The following CKMT2 variants were observed in gnomAD, a reference collection of about 807,000 sequenced individuals.
CKMT2 encodes creatine kinase, mitochondrial 2, also known as creatine kinase S-type, mitochondrial.
A neutral mutation model predicts 48.9 loss-of-function variants in CKMT2; 43 were observed. The ratio of observed to expected loss-of-function variants is 0.88; its 90% CI spans 0.69 to 1.13. CKMT2 has a LOEUF of 1.13. Ranked by LOEUF, CKMT2 falls within the 50% of genes most tolerant of loss-of-function variation. CKMT2 has a pLI of 0.00. For missense variants in CKMT2, 472 were observed against 555.4 expected (o/e 0.85, Z 1.51); for synonymous variants, 206 against 213.0 (o/e 0.97, Z 0.29).
intron 1 of CKMT2, among the ~76,000 whole-genome samples, chr5:81,235,164 GAA>G (rs1756210136): frequency 6.6e-6 from 1 of 152,206 alleles, no homozygotes; most frequent in Non-Finnish European, 1.5e-5. Context: ...GGAGGCCTAG[GAA>G]AGGCCTCTGT....
chr5:81,233,829 G>C (rs1756175633), intron 1 of CKMT2, among the ~76,000 whole-genome samples: 2 of 152,050 alleles, frequency 1.3e-5, no homozygotes, highest in African/African-American at 4.8e-5. Context: ...CAGTGACTTG[G>C]GATGAACTAA....
intron 6 of CKMT2, 28 bp from the exon 7 acceptor site, chr5:81,257,705 C>T (rs778063285): frequency 2.5e-6 from 4 of 1,597,238 alleles, no homozygotes; most frequent in East Asian, 2.2e-5. Flanking sequence ...GCAATTAACA[C>T]TCAGTACCAT....
intron 7 of CKMT2, 50 bp downstream of exon 7, chr5:81,257,906 T>C (rs1412237433): frequency 1.3e-6 from 2 of 1,550,896 alleles, no homozygotes; most frequent in Non-Finnish European, 8.8e-7. Flanking sequence ...AAAATTACCG[T>C]ATTGTTTGTT....
At chr5:81,256,279 T>TGCTACTTCCTACAACCATCC (rs528392110) in intron 5 of CKMT2, among the ~76,000 whole-genome samples, 26,022 of 152,022 alleles carry the variant, frequency 0.17, 2,549 homozygotes, top group Admixed American at 0.27. Context: ...ATCTATACTC[T>TGCTACTTCCTACAACCATCC]GCTACTTCCT....
intron 1 of CKMT2, among the ~76,000 whole-genome samples, chr5:81,248,776 C>T (rs1756698905): frequency 6.6e-6 from 1 of 152,164 alleles, no homozygotes; most frequent in Non-Finnish European, 1.5e-5. Flanking sequence ...TCCTGTAACC[C>T]CTACTCAGAA....
intron 1 of CKMT2, chr5:81,235,804 A>C (rs1240505536): frequency 1.3e-5 from 2 of 152,246 alleles, no homozygotes; most frequent in African/African-American, 4.8e-5. Context: ...AGGAACAAAC[A>C]GGATATTATT....
chr5:81,249,982 A>G (rs1756749334), intron 1 of CKMT2, among the ~76,000 whole-genome samples: 1 of 152,194 alleles, frequency 6.6e-6, no homozygotes, highest in Non-Finnish European at 1.5e-5. Flanking sequence ...AGATTATGTT[A>G]CACCTCTTGA....
At chr5:81,241,000 T>C (rs1756415045) in intron 1 of CKMT2, among the ~76,000 whole-genome samples, 1 of 152,198 alleles carries the variant, frequency 6.6e-6, no homozygotes, top group African/African-American at 2.4e-5. Flanking sequence ...CTGACATTCA[T>C]TCACTTACTC....
At chr5:81,248,798 T>TAG (rs1756699848) in intron 1 of CKMT2, among the ~76,000 whole-genome samples, 1 of 152,254 alleles carries the variant, frequency 6.6e-6, no homozygotes, top group Non-Finnish European at 1.5e-5. Flanking sequence ...AGGCTTGATT[T>TAG]GTTACTTGCA....
chr5:81,260,156 G>A (rs1170385572), intron 8 of CKMT2, among the ~76,000 whole-genome samples: 1 of 152,156 alleles, frequency 6.6e-6, no homozygotes, highest in Non-Finnish European at 1.5e-5. Flanking sequence ...AAATAAATAA[G>A]TTCTTTGAAA....
At chr5:81,252,007 C>T (rs574384065) in intron 2 of CKMT2, 1 of 153,674 alleles carries the variant, frequency 6.5e-6, no homozygotes, top group African/African-American at 2.4e-5. Context: ...CCATGCCTCT[C>T]TCACTGCTCT....
At chr5:81,260,809 C>A (rs1580457251) in intron 8 of CKMT2, among the ~76,000 whole-genome samples, 1 of 152,198 alleles carries the variant, frequency 6.6e-6, no homozygotes, top group Non-Finnish European at 1.5e-5. Context: ...GGTACCAGTC[C>A]TTCTGAAACT....
intron 5 of CKMT2, among the ~76,000 whole-genome samples, chr5:81,255,483 G>A (rs1756973655): frequency 1.3e-5 from 2 of 152,250 alleles, no homozygotes; most frequent in Non-Finnish European, 2.9e-5. Flanking sequence ...GGTTAGGAGG[G>A]TGGAGATGAA....
At chr5:81,244,527 G>A (rs750988355) in intron 1 of CKMT2, among the ~76,000 whole-genome samples, 5 of 152,168 alleles carry the variant, frequency 3.3e-5, no homozygotes, top group Admixed American at 2.0e-4. Flanking sequence ...ACAGTTACAC[G>A]AAATGAGGCA....
At chr5:81,245,514 G>A (rs2112792526) in intron 1 of CKMT2, 1 of 152,350 alleles carries the variant, frequency 6.6e-6, no homozygotes, top group African/African-American at 2.4e-5. Context: ...CATTTGGGTG[G>A]AGACGTACAT....
rs1757064014 is a variant in CKMT2 at position 81,257,744 on chromosome 5, A to G, written c.767A>G (p.Asp256Gly). ...PDARGIWHNY[D>G]KTFLIWINEE... is the part of the protein sequence containing the mutation. ...TCTCTCTTCATTAGGCATAATTATG[A>G]TAAGACATTTCTCATCTGGATAAAT... The change falls in exon 7 of 10, where the codon GAT (aspartate) becomes GGT (glycine). Residue 256 changes from aspartate (D) to glycine (G), a missense_variant. Transcript: ENST00000254035. 5.6e-6 allele frequency: 9 copies of G among 1,612,058 alleles called. No individual in the cohort carries two copies. Among genetic ancestry groups the G allele is most frequent in the Non-Finnish European group, 7.6e-6 (9 of 1,178,660 alleles).
Position 81,266,309 on chromosome 5 carries a change from T to C in CKMT2, c.*51T>C. On this transcript the variant is annotated 3_prime_UTR_variant, in exon 10 of 10. Coordinates refer to ENST00000254035, the MANE Select transcript of CKMT2 (RefSeq NM_001099735.2). ...AATCTGTCTGCTGGTACGACAGACA[T>C]AAATCTCTACTCTGAGAGTTTTTAT... The C allele has an allele frequency of 6.4e-7, 1 of 1,570,476 alleles. No individual in the cohort carries two copies. Among genetic ancestry groups the C allele is most frequent in the South Asian group, 1.1e-5 (1 of 89,326 alleles).
chr5:81,240,773 T>C (rs995976261), intron 1 of CKMT2, among the ~76,000 whole-genome samples: 1 of 152,150 alleles, frequency 6.6e-6, no homozygotes, highest in Non-Finnish European at 1.5e-5. Flanking sequence ...TGGGATTGTT[T>C]TGAAAAAAGT....
At chr5:81,245,510 G>A (rs1756578025) in intron 1 of CKMT2, 1 of 152,256 alleles carries the variant, frequency 6.6e-6, no homozygotes, top group African/African-American at 2.4e-5. Flanking sequence ...TACTCATTTG[G>A]GTGGAGACGT....
Sources: gnomAD v4.1 joint callset for allele counts (sites outside exome capture counted in the v4.1 genomes callset) on GRCh38, gnomAD v4.1.1 for gene constraint, MANE v1.5 for transcripts, NCBI Gene and HGNC (gene_info 2026-07-23, HGNC 2026-07-21) for gene names.